The following FSTL4 variants were observed in gnomAD, a reference collection of about 807,000 sequenced individuals.
FSTL4 encodes follistatin-related protein 4.
FSTL4 carries 28 observed loss-of-function variants against 78.2 expected under a neutral mutation model. That is an observed-to-expected ratio of 0.36 (90% CI 0.27 to 0.49). FSTL4 has a LOEUF of 0.49. Among genes scored for constraint, FSTL4 ranks in the 20% least tolerant of loss-of-function variants. The pLI, the probability that FSTL4 is intolerant of heterozygous loss-of-function variation, is 0.98. For missense variants in FSTL4, 922 were observed against 1,084.9 expected, an observed-to-expected ratio of 0.85 and a Z score of 2.11; for synonymous variants, 422 against 440.5, an observed-to-expected ratio of 0.96 and a Z score of 0.53.
chr5:133,205,778 GT>G (rs1750478598), intron 14 of FSTL4, among the ~76,000 whole-genome samples: 1 of 138,998 alleles, frequency 7.2e-6, no homozygotes, highest in South Asian at 2.5e-4. Context: ...GCATCTCTTT[GT>G]TTGTAATCAA....
chr5:133,264,310 C>G (rs1273937196), intron 6 of FSTL4, among the ~76,000 whole-genome samples: 1 of 152,138 alleles, frequency 6.6e-6, no homozygotes, highest in Non-Finnish European at 1.5e-5. Flanking sequence ...TTGGGAGTGG[C>G]TGCCCACCCA....
At chr5:133,222,772 A>G (rs1272927711) in intron 11 of FSTL4, among the ~76,000 whole-genome samples, 1 of 152,120 alleles carries the variant, frequency 6.6e-6, no homozygotes, top group African/African-American at 2.4e-5. Context: ...TTCTGCTAAG[A>G]GGGCCCGAAG....
At chr5:133,543,244 G>A (rs556962498) in intron 3 of FSTL4, among the ~76,000 whole-genome samples, 1 of 152,120 alleles carries the variant, frequency 6.6e-6, no homozygotes, top group South Asian at 2.1e-4. Flanking sequence ...TAGAGACAGG[G>A]TCCCACTGTG....
chr5:133,807,779 G>C, the FSTL4 span, among the ~76,000 whole-genome samples: 1 of 152,188 alleles, frequency 6.6e-6, no homozygotes, highest in Non-Finnish European at 1.5e-5. Flanking sequence ...GGAACTAAGG[G>C]AGACCCAAGT....
At chr5:133,688,284 A>G in the FSTL4 span, among the ~76,000 whole-genome samples, 1 of 152,158 alleles carries the variant, frequency 6.6e-6, no homozygotes, top group Non-Finnish European at 1.5e-5. Context: ...GTGGTGAAGT[A>G]TGCCTGTAGT....
chr5:133,256,903 C>T (rs766301232), intron 6 of FSTL4, among the ~76,000 whole-genome samples: 4 of 152,168 alleles, frequency 2.6e-5, no homozygotes, highest in African/African-American at 4.8e-5. Context: ...GGGTAATTTA[C>T]TTTTTCAACT....
At chr5:133,686,444 A>G in the FSTL4 span, among the ~76,000 whole-genome samples, 1 of 152,266 alleles carries the variant, frequency 6.6e-6, no homozygotes, top group Non-Finnish European at 1.5e-5. Flanking sequence ...GTGCTTTATA[A>G]GAGTTACACG....
chr5:133,299,615 G>C (rs1273329241), intron 6 of FSTL4, among the ~76,000 whole-genome samples: 1 of 152,166 alleles, frequency 6.6e-6, no homozygotes, highest in East Asian at 1.9e-4. Context: ...GAGAATTCGA[G>C]GGAAGCATCC....
At chr5:133,609,105 A>G (rs758302317) in intron 1 of FSTL4, among the ~76,000 whole-genome samples, 9 of 152,176 alleles carry the variant, frequency 5.9e-5, no homozygotes, top group Non-Finnish European at 8.8e-5. Context: ...CAGACTAGCC[A>G]TTAAGGATTA....
the FSTL4 span, among the ~76,000 whole-genome samples, chr5:133,706,292 A>T: frequency 3.8e-3 from 581 of 152,346 alleles, 9 homozygotes; most frequent in African/African-American, 0.014. Flanking sequence ...TCAAAAAATG[A>T]TACCTATCAT....
At chr5:133,742,864 A>G in the FSTL4 span, among the ~76,000 whole-genome samples, 1 of 152,140 alleles carries the variant, frequency 6.6e-6, no homozygotes, top group African/African-American at 2.4e-5. Context: ...CCTGAATGAC[A>G]GGAGCGCGCG....
chr5:133,230,717 C>T (rs1221145570), intron 8 of FSTL4, among the ~76,000 whole-genome samples: 1 of 152,194 alleles, frequency 6.6e-6, no homozygotes, highest in African/African-American at 2.4e-5. Flanking sequence ...TACTGGGGAT[C>T]ACTAGGCCTC....
chr5:133,210,356 T>G, intron 13 of FSTL4, 58 bp from the exon 14 acceptor site: 1 of 1,014,390 alleles, frequency 9.9e-7, no homozygotes, highest in Non-Finnish European at 1.6e-6. Flanking sequence ...TTCTGGGCGT[T>G]GTATGCATGG....
chr5:133,486,522 C>A (rs1481116265), intron 3 of FSTL4, among the ~76,000 whole-genome samples: 2 of 152,194 alleles, frequency 1.3e-5, no homozygotes, highest in African/African-American at 4.8e-5. Context: ...TCATCAACCA[C>A]ATCTGAAAGC....
chr5:133,637,229 G>A, the FSTL4 span, among the ~76,000 whole-genome samples: 1 of 151,734 alleles, frequency 6.6e-6, no homozygotes, highest in Non-Finnish European at 1.5e-5. Flanking sequence ...TCTGTCTTGT[G>A]CTTGCCCTTT....
chr5:133,443,503 C>T (rs565102699), intron 3 of FSTL4, among the ~76,000 whole-genome samples: 1 of 152,342 alleles, frequency 6.6e-6, no homozygotes, highest in South Asian at 2.1e-4. Flanking sequence ...TCAGGCCCAT[C>T]CCTCTGGAAA....
chr5:133,708,021 T>C, the FSTL4 span, among the ~76,000 whole-genome samples: 1 of 150,724 alleles, frequency 6.6e-6, no homozygotes, highest in Non-Finnish European at 1.5e-5. Context: ...ACTCCAATGC[T>C]TGGAACAGAG....
intron 6 of FSTL4, among the ~76,000 whole-genome samples, chr5:133,308,229 G>A (rs1184221453): frequency 6.6e-6 from 1 of 152,212 alleles, no homozygotes; most frequent in Non-Finnish European, 1.5e-5. Flanking sequence ...TTCCTTTGGG[G>A]TAGGGGGAGT....
intron 2 of FSTL4, among the ~76,000 whole-genome samples, chr5:133,602,549 A>G (rs536507866): frequency 1.3e-5 from 2 of 152,358 alleles, no homozygotes; most frequent in African/African-American, 4.8e-5. Flanking sequence ...ATATTCAACA[A>G]TATATGTGTA....
Sources: allele counts gnomAD v4.1 joint callset (sites outside exome capture counted in the v4.1 genomes callset), GRCh38; gene constraint gnomAD v4.1.1; transcripts MANE v1.5; gene names NCBI Gene and HGNC (gene_info 2026-07-23, HGNC 2026-07-21).